DNAH5: variants seen among roughly 807,000 people sequenced by gnomAD.
DNAH5 encodes the protein dynein axonemal heavy chain 5.
In DNAH5, 372 loss-of-function variants were observed where a neutral mutation model predicts 518.2. The ratio of observed to expected loss-of-function variants is 0.72; its 90% CI spans 0.66 to 0.78. DNAH5 has a LOEUF of 0.78. Ranked by LOEUF, DNAH5 falls within the 30% of genes least tolerant of loss-of-function variation. The probability of loss-of-function intolerance (pLI) is 0.00; values close to 1 mark genes in which losing one functional copy is unlikely to be tolerated. For missense variants in DNAH5, 5,523 were observed against 5,687.0 expected (o/e 0.97, Z 0.93); for synonymous variants, 2,039 against 2,025.9 (o/e 1.01, Z -0.17).
intron 47 of DNAH5, among the ~76,000 whole-genome samples, chr5:13,795,000 C>T (rs567960373): frequency 2.0e-4 from 31 of 152,136 alleles, no homozygotes; most frequent in African/African-American, 7.2e-4. Context: ...ACCTTCATTG[C>T]AGTACACAAA....
chr5:13,734,860 A>T (rs2126604853), intron 68 of DNAH5, among the ~76,000 whole-genome samples: 1 of 151,872 alleles, frequency 6.6e-6, no homozygotes, highest in Admixed American at 6.6e-5. Context: ...TTATTATTTT[A>T]TTTTTTTTCT....
chr5:13,964,831 T>G (rs1581059068), intron 1 of DNAH5, among the ~76,000 whole-genome samples: 1 of 152,208 alleles, frequency 6.6e-6, no homozygotes, highest in Non-Finnish European at 1.5e-5. Context: ...AGTGCCAATA[T>G]TGTGAATTAA....
At chr5:13,985,433 ATAT>A (rs1561045565) in intron 1 of DNAH5, among the ~76,000 whole-genome samples, 1 of 5,710 alleles carries the variant, frequency 1.8e-4, no homozygotes, top group Admixed American at 1.4e-3. Context: ...ATAATAAAAT[ATAT>A]ATATATATAT....
chr5:13,991,764 T>C (rs1783570540), intron 1 of DNAH5, among the ~76,000 whole-genome samples: 2 of 152,120 alleles, frequency 1.3e-5, no homozygotes. Context: ...GGGATACAAA[T>C]ATATCTTGAA....
chr5:13,982,420 G>A (rs929311102), intron 1 of DNAH5, among the ~76,000 whole-genome samples: 3 of 150,402 alleles, frequency 2.0e-5, no homozygotes, highest in East Asian at 2.0e-4. Flanking sequence ...TATTGCATGA[G>A]TGAGTAGACA....
intron 1 of DNAH5, among the ~76,000 whole-genome samples, chr5:13,996,778 C>T (rs1379744795): frequency 6.6e-6 from 1 of 152,242 alleles, no homozygotes; most frequent in Non-Finnish European, 1.5e-5. Context: ...CTTGTGCCTG[C>T]AGCCCTCTTA....
intron 35 of DNAH5, among the ~76,000 whole-genome samples, chr5:13,834,076 C>T (rs1764045604): frequency 1.3e-5 from 2 of 152,182 alleles, no homozygotes. Context: ...AGTGGAATCT[C>T]AGTTACTATC....
chr5:13,832,712 T>C (rs1763832049), intron 35 of DNAH5, among the ~76,000 whole-genome samples: 1 of 152,210 alleles, frequency 6.6e-6, no homozygotes, highest in African/African-American at 2.4e-5. Context: ...CCTGGCACCT[T>C]GTACTATATG....
intron 44 of DNAH5, chr5:13,810,494 A>G: frequency 6.0e-6 from 3 of 500,372 alleles, no homozygotes; most frequent in Non-Finnish European, 1.1e-5. Context: ...TACTCCCACC[A>G]CTTTGGGAGG....
intron 76 of DNAH5, among the ~76,000 whole-genome samples, chr5:13,705,702 G>C (rs1742693933): frequency 6.6e-6 from 1 of 152,182 alleles, no homozygotes; most frequent in East Asian, 1.9e-4. Flanking sequence ...AGGAAATCAA[G>C]TGAAAATGAA....
intron 1 of DNAH5, among the ~76,000 whole-genome samples, chr5:13,998,343 G>A (rs1784111464): frequency 1.3e-5 from 2 of 152,176 alleles, no homozygotes; most frequent in African/African-American, 4.8e-5. Context: ...GAGCCTTCAC[G>A]ACCTAATAAC....
Position 13,913,862 on chromosome 5 carries a change from A to G in DNAH5, c.1417T>C (p.Phe473Leu), listed in dbSNP as rs1162532498. Residue 473 changes from phenylalanine to leucine, a missense_variant, in exon 11 of 79, where the codon TTC becomes CTC. Transcript: ENST00000265104. ...DFSEMYIFGK[F>L]ETFHRRLAKI... Reference sequence around the variant, plus strand: ...GCAAGGCGTCGGTGAAAAGTTTCGAATTTTCCAAAAATATACATCTCGCTA... The same window carrying G: ...GCAAGGCGTCGGTGAAAAGTTTCGAGTTTTCCAAAAATATACATCTCGCTA... 2.5e-6 allele frequency: 4 copies of G among 1,613,502 alleles called. No homozygotes were observed. In the African/African-American group the frequency reaches 4.0e-5, roughly 16 times the overall value.
chr5:13,729,616 T>G, intron 68 of DNAH5, 56 bp from the exon 69 acceptor site: 2 of 1,446,388 alleles, frequency 1.4e-6, no homozygotes, highest in South Asian at 2.6e-5. Context: ...TAAAACAATC[T>G]ATTTAGTAAA....
chr5:13,917,085 T>C, intron 8 of DNAH5, 58 bp downstream of exon 8: 1 of 1,305,794 alleles, frequency 7.7e-7, no homozygotes, highest in Non-Finnish European at 1.1e-6. Flanking sequence ...CAATATTCAA[T>C]TCAGCTAGTG....
chr5:13,763,721 C>T (rs954655173), intron 59 of DNAH5, among the ~76,000 whole-genome samples: 1 of 152,174 alleles, frequency 6.6e-6, no homozygotes, highest in African/African-American at 2.4e-5. Flanking sequence ...ATTCAGACCT[C>T]GTTTAATGTA....
chr5:13,745,415 A>G (rs1749197083), intron 65 of DNAH5, among the ~76,000 whole-genome samples: 1 of 152,152 alleles, frequency 6.6e-6, no homozygotes, highest in Non-Finnish European at 1.5e-5. Context: ...CACAGAAAGT[A>G]TAACTCTGTT....
chr5:13,961,423 C>T (rs1781168424), intron 1 of DNAH5, among the ~76,000 whole-genome samples: 2 of 152,144 alleles, frequency 1.3e-5, no homozygotes, highest in South Asian at 2.1e-4. Context: ...GCGGGCAGAT[C>T]GCCTGAGGTT....
intron 1 of DNAH5, among the ~76,000 whole-genome samples, chr5:13,985,604 G>A (rs1782999477): frequency 6.6e-6 from 1 of 151,998 alleles, no homozygotes; most frequent in Non-Finnish European, 1.5e-5. Flanking sequence ...TAACAAATGT[G>A]TGTTGTTTTA....
At chr5:13,875,808 G>A (rs1770810321) in intron 22 of DNAH5, among the ~76,000 whole-genome samples, 2 of 148,048 alleles carry the variant, frequency 1.4e-5, no homozygotes, top group Non-Finnish European at 2.9e-5. Context: ...AAAATTAAAA[G>A]TCCATAAATG....
Sources: allele counts gnomAD v4.1 joint callset (sites outside exome capture counted in the v4.1 genomes callset), GRCh38; gene constraint gnomAD v4.1.1; transcripts MANE v1.5; gene names NCBI Gene and HGNC (gene_info 2026-07-23, HGNC 2026-07-21).